QDPR: variants seen among roughly 807,000 people sequenced by gnomAD.
QDPR encodes quinoid dihydropteridine reductase.
QDPR carries 23 observed loss-of-function variants against 31.7 expected under a neutral mutation model. The ratio of observed to expected loss-of-function variants is 0.73; its 90% CI spans 0.52 to 1.03. The LOEUF (loss-of-function observed/expected upper bound fraction) is 1.03. QDPR is among the 50% of genes least tolerant of loss of function. QDPR has a pLI of 0.00. For synonymous variants in QDPR, 124 were observed against 124.7 expected (o/e 0.99, Z 0.03); for missense variants, 324 against 323.8 (o/e 1.00, Z 0.00).
chr4:17,509,016 G>C (rs1339184238), intron 2 of QDPR, among the ~76,000 whole-genome samples: 1 of 152,100 alleles, frequency 6.6e-6, no homozygotes, highest in African/African-American at 2.4e-5. Flanking sequence ...AAATTAGCTG[G>C]GGGTGGTGGC....
Position 17,501,866 on chromosome 4 carries a change from G to A in QDPR, c.296-7C>T, listed in dbSNP as rs376187471. ...TCACAGTTCTTAAAGAGAGCTGAGTGAAAAAAACATGTGGGCTCAGCATTC... is the reference window on the plus strand; with the variant it reads ...TCACAGTTCTTAAAGAGAGCTGAGTAAAAAAAACATGTGGGCTCAGCATTC... On this transcript the variant is annotated splice_polypyrimidine_tract_variant and splice_region_variant and intron_variant, in intron 3 of 6. Transcript: ENST00000281243. 2.5e-6 allele frequency: 4 copies of A among 1,613,884 alleles called. No homozygotes were observed. Among genetic ancestry groups the A allele is most frequent in the Non-Finnish European group, 3.4e-6 (4 of 1,179,976 alleles).
chr4:17,511,838 C>A, intron 1 of QDPR, 112 bp downstream of exon 1: 1 of 1,066,014 alleles, frequency 9.4e-7, no homozygotes, highest in South Asian at 1.4e-5. Context: ...CAACACGAGT[C>A]AGGGGGTGCA....
At chr4:17,490,151 C>T (rs1205252528) in intron 6 of QDPR, 1 of 176,882 alleles carries the variant, frequency 5.7e-6, no homozygotes, top group Non-Finnish European at 1.2e-5. Flanking sequence ...AATTAAAGGG[C>T]ACTTTCTGTG....
At chr4:17,511,404 G>C (rs866596504) in intron 1 of QDPR, among the ~76,000 whole-genome samples, 1 of 152,198 alleles carries the variant, frequency 6.6e-6, no homozygotes. Context: ...ACAGGGGTGG[G>C]TAGTAATAGT....
Position 17,490,777 on chromosome 4 carries a change from T to C in QDPR, c.546-32A>G, listed in dbSNP as rs756080491. 5.7e-6 allele frequency: 9 copies of C among 1,572,950 alleles called. No individual in the cohort carries two copies. The Admixed American group carries it at 8.4e-5, about 15-fold the overall frequency. On this transcript the variant is annotated intron_variant, in intron 5 of 6. Transcript: ENST00000281243. ...TGGACACAGATAAGCACGTCATTCA[T>C]GTCGCTCCTTTCTAACAACAGGTGC...
At chr4:17,510,038 T>C in intron 1 of QDPR, 1 of 446,880 alleles carries the variant, frequency 2.2e-6, no homozygotes, top group South Asian at 1.6e-5. Context: ...TGTGTTCCAA[T>C]AAATCTTCAG....
At position 17,486,881 on chromosome 4, in the gene QDPR, A is replaced by G; in HGVS notation, c.*250T>C. 3.8e-6 allele frequency: 2 copies of G among 523,796 alleles called. No individual in the cohort carries two copies. Among genetic ancestry groups the G allele is most frequent in the South Asian group, 2.1e-5 (1 of 47,562 alleles). 32.4% of individuals were successfully genotyped at this position (523,796 alleles called of 1,614,324 possible). On this transcript the variant is annotated 3_prime_UTR_variant, in exon 7 of 7. Coordinates refer to ENST00000281243, the MANE Select transcript of QDPR (RefSeq NM_000320.3). ...GACACCGCTATAGCAGGTGCTATGC[A>G]GAGCCCTCCCTATGCAGTTAACACA...
chr4:17,495,413 A>G (rs1718316173), intron 4 of QDPR, among the ~76,000 whole-genome samples: 1 of 152,198 alleles, frequency 6.6e-6, no homozygotes. Flanking sequence ...CCTGGCTCCC[A>G]GGAACGGCAC....
chr4:17,506,063 C>T (rs991014617), intron 2 of QDPR, among the ~76,000 whole-genome samples: 3 of 152,184 alleles, frequency 2.0e-5, no homozygotes, highest in Non-Finnish European at 4.4e-5. Flanking sequence ...GAGACCCGCA[C>T]CTGGCAGGGC....
chr4:17,493,195 C>A (rs113564016), intron 4 of QDPR, among the ~76,000 whole-genome samples: 1 of 152,148 alleles, frequency 6.6e-6, no homozygotes, highest in African/African-American at 2.4e-5. Context: ...TTAATCCCAG[C>A]ACTTTGGGAG....
At chr4:17,490,264 TGCAGCTGGGGATCACTGA>T (rs1253417611) in intron 6 of QDPR, 1 of 300,588 alleles carries the variant, frequency 3.3e-6, no homozygotes, top group Non-Finnish European at 6.6e-6. Context: ...GGACACAAAC[TGCAGCTGGGGATCACTGA>T]GCACTTGTTA....
At chr4:17,503,120 G>A (rs1023614092) in intron 3 of QDPR, among the ~76,000 whole-genome samples, 1 of 152,186 alleles carries the variant, frequency 6.6e-6, no homozygotes, top group African/African-American at 2.4e-5. Context: ...AAGGATAGAG[G>A]AACAAGTCAA....
intron 4 of QDPR, among the ~76,000 whole-genome samples, chr4:17,497,271 T>C (rs976007274): frequency 6.6e-6 from 1 of 152,172 alleles, no homozygotes; most frequent in Non-Finnish European, 1.5e-5. Flanking sequence ...AGTTTTCCAA[T>C]TTAAAAACTG....
intron 4 of QDPR, among the ~76,000 whole-genome samples, chr4:17,494,626 G>T (rs1196398874): frequency 6.6e-6 from 1 of 152,016 alleles, no homozygotes; most frequent in Non-Finnish European, 1.5e-5. Context: ...TTTTTTTCCA[G>T]GTTAACAAAT....
chr4:17,504,196 G>A (rs1296295120), intron 3 of QDPR, among the ~76,000 whole-genome samples, 183 bp downstream of exon 3: 1 of 151,968 alleles, frequency 6.6e-6, no homozygotes, highest in Non-Finnish European at 1.5e-5. Flanking sequence ...CGTCCTCCAG[G>A]GGAAGCTTCT....
chr4:17,499,445 G>A (rs1452829492), intron 4 of QDPR, among the ~76,000 whole-genome samples: 1 of 152,216 alleles, frequency 6.6e-6, no homozygotes, highest in Non-Finnish European at 1.5e-5. Context: ...TACTGCCTCT[G>A]TTCCGTGTCA....
chr4:17,489,229 G>C (rs946488186), intron 6 of QDPR, among the ~76,000 whole-genome samples: 1 of 152,162 alleles, frequency 6.6e-6, no homozygotes, highest in Non-Finnish European at 1.5e-5. Context: ...CAGCTTTTCT[G>C]AGAGTTTTCA....
chr4:17,491,032 TA>T (rs780296717), intron 5 of QDPR, among the ~76,000 whole-genome samples: 22 of 152,324 alleles, frequency 1.4e-4, no homozygotes, highest in Non-Finnish European at 2.4e-4. Flanking sequence ...TTTGCCTTTT[TA>T]AAAAAGAGTC....
chr4:17,504,652 A>G (rs779685085), intron 2 of QDPR, among the ~76,000 whole-genome samples, 177 bp from the exon 3 acceptor site: 8 of 152,236 alleles, frequency 5.3e-5, no homozygotes, highest in Non-Finnish European at 8.8e-5. Flanking sequence ...TAGACATTGA[A>G]GCCCAAGTAC....
Sources: gnomAD v4.1 joint callset for allele counts (sites outside exome capture counted in the v4.1 genomes callset) on GRCh38, gnomAD v4.1.1 for gene constraint, MANE v1.5 for transcripts, NCBI Gene and HGNC (gene_info 2026-07-23, HGNC 2026-07-21) for gene names.